The following ZNF697 variants were observed in gnomAD, a reference collection of about 807,000 sequenced individuals.
ZNF697 encodes the protein zinc finger protein 697.
In ZNF697, 23 loss-of-function variants were observed where a neutral mutation model predicts 32.4. That is an observed-to-expected ratio of 0.71 (90% CI 0.51 to 1.01). The LOEUF is 1.01. ZNF697 is among the 50% of genes least tolerant of loss of function. The pLI is 0.00. For missense variants in ZNF697, 930 were observed against 794.0 expected (o/e 1.17, Z -2.06); for synonymous variants, 418 against 337.2 (o/e 1.24, Z -2.62).
In ZNF697 at chr1:119,641,074, AG is replaced by A. The variant is rs752832143; in HGVS notation, c.-38+6616del. Among the ~76,000 whole-genome samples the A allele has an allele frequency of 9.9e-4, 150 of 152,238 alleles. 1 individual carries two copies. Among genetic ancestry groups the A allele is most frequent in the Non-Finnish European group, 1.9e-3 (127 of 68,042 alleles). ...AGTTAGTAAAGATTACATGCCATACAGGAAGTGTTGACCAGGAATACTTACC... is the reference window on the plus strand; with the variant it reads ...AGTTAGTAAAGATTACATGCCATACAGAAGTGTTGACCAGGAATACTTACC... On this transcript the variant is annotated intron_variant, in intron 1 of 2. Coordinates refer to ENST00000421812, the MANE Select transcript of ZNF697 (RefSeq NM_001080470.2).
At chr1:119,630,974 T>C (rs1648746398) in intron 1 of ZNF697, among the ~76,000 whole-genome samples, 1 of 152,228 alleles carries the variant, frequency 6.6e-6, no homozygotes, top group Non-Finnish European at 1.5e-5. Context: ...TATTGGCACA[T>C]TCGCCAAATC....
intron 1 of ZNF697, among the ~76,000 whole-genome samples, chr1:119,645,702 A>G (rs1212303253): frequency 6.6e-6 from 1 of 152,136 alleles, no homozygotes; most frequent in Non-Finnish European, 1.5e-5. Context: ...ATCCCAAAGT[A>G]AGGAGTTACT....
Position 119,625,891 on chromosome 1 carries a change from C to G in ZNF697, c.210G>C (p.Val70=). 3 of 1,613,484 alleles carry G rather than the reference C, an allele frequency of 1.9e-6. No homozygotes were observed. The highest frequency in any genetic ancestry group is 2.5e-6 in the Non-Finnish European group (3 of 1,179,736). The change falls in exon 2 of 3, where the codon GTG becomes GTC. Residue 70 remains valine, a synonymous_variant. Coordinates refer to ENST00000421812, the MANE Select transcript of ZNF697 (RefSeq NM_001080470.2). ...TCTCCTCACCTGTGCAGATGTCGGGCACTGCTTCCCTGTGCCTTGAGTCCT... is the reference window on the plus strand; with the variant it reads ...TCTCCTCACCTGTGCAGATGTCGGGGACTGCTTCCCTGTGCCTTGAGTCCT... ...NPQDSRHREA[V]PDICTEGQLS...
rs757135061 is a variant in ZNF697, at chr1:119,622,953, G to C, written c.1390C>G (p.Pro464Ala). ...NHLRVHTGEK[P>A]FRCGQCEKRF... ...TTCTCGCACTGGCCACAGCGGAAGG[G>C]CTTCTCGCCGGTGTGCACGCGCAGG... Residue 464 changes from proline to alanine, a missense_variant, in exon 3 of 3, where the codon CCC becomes GCC. Physicochemically the swap from Pro to Ala is conservative, Grantham distance 27 (BLOSUM62 -1). Transcript: ENST00000421812. The C allele has an allele frequency of 6.2e-7, 1 of 1,603,764 alleles. No homozygotes were observed. Among genetic ancestry groups the C allele is most frequent in the Non-Finnish European group, 8.5e-7 (1 of 1,174,520 alleles).
rs749737646 is a variant in ZNF697 at position 119,622,988 on chromosome 1, A to G, written c.1355T>C (p.Leu452Pro). The change falls in exon 3 of 3, where the codon CTG (leucine) becomes CCG (proline). Residue 452 changes from leucine (L) to proline (P), a missense_variant. By Grantham distance (98) the Leu-to-Pro change is moderately conservative (BLOSUM62 -3). Coordinates refer to ENST00000421812, the MANE Select transcript of ZNF697 (RefSeq NM_001080470.2). ...CGKGFGRNSH[L>P]VNHLRVHTGE... ...GGTGTGCACGCGCAGGTGGTTCACC[A>G]GGTGCGAGTTACGCCCGAAGCCCTT... 8 of 1,596,736 alleles carry G rather than the reference A, an allele frequency of 5.0e-6. No homozygotes were observed. The African/African-American group carries it at 1.1e-4, about 21-fold the overall frequency.
At chr1:119,630,891 G>A (rs1487770507) in intron 1 of ZNF697, among the ~76,000 whole-genome samples, 1 of 152,268 alleles carries the variant, frequency 6.6e-6, no homozygotes, top group East Asian at 1.9e-4. Flanking sequence ...AGGAAGGGAG[G>A]GAATGAGGTG....
chr1:119,633,039 C>T (rs1462063356), intron 1 of ZNF697, among the ~76,000 whole-genome samples: 1 of 152,152 alleles, frequency 6.6e-6, no homozygotes, highest in African/African-American at 2.4e-5. Flanking sequence ...TATCTCTAGA[C>T]ACTTTCTCAG....
Position 119,622,843 on chromosome 1 carries a change from C to G in ZNF697, c.1500G>C (p.Lys500Asn), listed in dbSNP as rs1438437857. Reference sequence around the variant, plus strand: ...TCAGGTGGGAGCTCTGGATAAAGCTCTTGCCGCACTCGATGCACGTGTAGG... The same window carrying G: ...TCAGGTGGGAGCTCTGGATAAAGCTGTTGCCGCACTCGATGCACGTGTAGG... Reference protein sequence around the residue: ...EKPYTCIECGKSFIQSSHLIR... With the variant: ...EKPYTCIECGNSFIQSSHLIR... Residue 500 changes from lysine (K) to asparagine (N), a missense_variant, in exon 3 of 3, where the codon AAG (lysine) becomes AAC (asparagine). Lys to Asn is a moderately conservative substitution (Grantham distance 94). Transcript: ENST00000421812. The G allele has an allele frequency of 6.2e-7, 1 of 1,607,672 alleles. No homozygotes were observed. The highest frequency in any genetic ancestry group is 8.5e-7 in the Non-Finnish European group (1 of 1,176,758).
At chr1:119,631,834 C>T (rs1648787042) in intron 1 of ZNF697, among the ~76,000 whole-genome samples, 2 of 152,230 alleles carry the variant, frequency 1.3e-5, no homozygotes, top group African/African-American at 4.8e-5. Context: ...CTCAGAGGAA[C>T]GCAGGGCCGG....
chr1:119,626,034 C>T lies in ZNF697; in HGVS notation c.67G>A (p.Asp23Asn). 1.2e-6 allele frequency: 2 copies of T among 1,613,774 alleles called. No homozygotes were observed. The highest frequency in any genetic ancestry group is 1.7e-6 in the Non-Finnish European group (2 of 1,179,664). ...TCCCTGTCCTCAGAGTCCTCAAAAT[C>T]AGAACCCATCCCTTTGTCTTCTGAG... is the stretch of plus-strand genomic sequence containing the variant. ...QDSEDKGMGSDFEDSEDREGD... is the reference protein window; with the variant it reads ...QDSEDKGMGSNFEDSEDREGD... Residue 23 changes from aspartate (D) to asparagine (N), a missense_variant, in exon 2 of 3, where the codon GAT becomes AAT. Physicochemically the swap from Asp to Asn is conservative, Grantham distance 23. Coordinates refer to ENST00000421812, the MANE Select transcript of ZNF697 (RefSeq NM_001080470.2).
At chr1:119,642,463 G>A (rs1649102679) in intron 1 of ZNF697, among the ~76,000 whole-genome samples, 1 of 152,142 alleles carries the variant, frequency 6.6e-6, no homozygotes, top group Admixed American at 6.5e-5. Flanking sequence ...ACATGTGTGA[G>A]GGCCGGAGGC....
intron 1 of ZNF697, among the ~76,000 whole-genome samples, chr1:119,644,432 G>A (rs990746333): frequency 2.8e-4 from 43 of 152,278 alleles, no homozygotes; most frequent in African/African-American, 9.6e-4. Flanking sequence ...CAACATTACT[G>A]GTAGGAAATC....
Position 119,622,895 on chromosome 1 carries a change from T to C in ZNF697, c.1448A>G (p.His483Arg). ...RFSDFSTLTQ[H>R]QRTHTGEKPY... ...CTTCTCGCCCGTGTGCGTGCGCTGG[T>C]GCTGCGTGAGCGTGGAGAAGTCGCT... The change falls in exon 3 of 3, where the codon CAC (histidine) becomes CGC (arginine). Residue 483 changes from histidine to arginine, a missense_variant. Transcript: ENST00000421812. The C allele has an allele frequency of 6.2e-7, 1 of 1,609,994 alleles. No individual in the cohort carries two copies. The highest frequency in any genetic ancestry group is 8.5e-7 in the Non-Finnish European group (1 of 1,178,106).
rs1286346063 is a variant in ZNF697 at position 119,628,302 on chromosome 1, C to T, written c.-37-2165G>A. 3.3e-5 allele frequency among the ~76,000 whole-genome samples: 5 copies of T among 152,264 alleles called. No individual in the cohort carries two copies. In the South Asian group the frequency reaches 6.2e-4, roughly 19 times the overall value. On this transcript the variant is annotated intron_variant, in intron 1 of 2. Coordinates refer to ENST00000421812, the MANE Select transcript of ZNF697 (RefSeq NM_001080470.2). ...GGGAGCAGGGCTTCCCCTCTAAGCC[C>T]TTTTATGGACAGGCTTCTTATGGGG...
intron 1 of ZNF697, among the ~76,000 whole-genome samples, chr1:119,627,937 C>T (rs760581922): frequency 3.3e-5 from 5 of 152,062 alleles, no homozygotes; most frequent in South Asian, 2.1e-4. Context: ...GGAGCTCAGA[C>T]GCAATGGACA....
At chr1:119,636,487 C>A (rs756270196) in intron 1 of ZNF697, among the ~76,000 whole-genome samples, 1 of 152,186 alleles carries the variant, frequency 6.6e-6, no homozygotes, top group Non-Finnish European at 1.5e-5. Context: ...GCCACAAGAT[C>A]TTTTGGCGTG....
chr1:119,623,508 G>T lies in ZNF697; in HGVS notation c.835C>A (p.His279Asn). ...GFSRNTYLTN[H>N]LRLHTGERPN... ...CGCTCGCCCGTGTGCAGGCGCAGGT[G>T]GTTGGTCAGGTAGGTGTTGCGGCTG... The change falls in exon 3 of 3, where the codon CAC becomes AAC. Residue 279 changes from histidine to asparagine, a missense_variant. His to Asn is a moderately conservative substitution (Grantham distance 68). Transcript: ENST00000421812. 6.4e-7 allele frequency: 1 copy of T among 1,569,598 alleles called. No homozygotes were observed. Among genetic ancestry groups the T allele is most frequent in the Non-Finnish European group, 8.6e-7 (1 of 1,159,288 alleles).
chr1:119,632,764 C>G (rs774269201), intron 1 of ZNF697, among the ~76,000 whole-genome samples: 2 of 152,198 alleles, frequency 1.3e-5, no homozygotes, highest in Non-Finnish European at 2.9e-5. Context: ...TAAGTGCCCT[C>G]AAAGTTAGAC....
chr1:119,623,948 TCC>T lies in ZNF697; in HGVS notation c.393_394del (p.Glu132ArgfsTer24). On this transcript the variant is annotated frameshift_variant, in exon 3 of 3. Transcript: ENST00000421812. LOFTEE classifies it high-confidence loss of function. ...TACGGGAGGGGCCGGCTGCTCCTCTTCCTCCTCCAGCCGGTTCTCCCCAGCAC... is the reference window on the plus strand; with the variant it reads ...TACGGGAGGGGCCGGCTGCTCCTCTTTCCTCCAGCCGGTTCTCCCCAGCAC... 1 of 1,600,108 alleles carries T rather than the reference TCC, an allele frequency of 6.2e-7. No individual in the cohort carries two copies. Among genetic ancestry groups the T allele is most frequent in the Non-Finnish European group, 8.5e-7 (1 of 1,173,546 alleles).
Sources: allele counts gnomAD v4.1 joint callset (sites outside exome capture counted in the v4.1 genomes callset), GRCh38; gene constraint gnomAD v4.1.1; transcripts MANE v1.5; gene names NCBI Gene and HGNC (gene_info 2026-07-23, HGNC 2026-07-21).